Variants in PDE6C observed in about 807,000 individuals in gnomAD.
PDE6C encodes the protein phosphodiesterase 6C, also known as cone cGMP-specific 3',5'-cyclic phosphodiesterase subunit alpha'.
In PDE6C, 75 loss-of-function variants were observed where a neutral mutation model predicts 113.1. That is an observed-to-expected ratio of 0.66 (90% CI 0.55 to 0.80). PDE6C has a LOEUF of 0.80. PDE6C is among the 30% of genes least tolerant of loss of function. The pLI is 0.00. For synonymous variants in PDE6C, 375 were observed against 363.7 expected, an observed-to-expected ratio of 1.03 and a Z score of -0.35; for missense variants, 912 against 1,038.6, an observed-to-expected ratio of 0.88 and a Z score of 1.67.
At chr10:93,653,643 C>G (rs1350560791) in intron 15 of PDE6C, among the ~76,000 whole-genome samples, 1 of 136,006 alleles carries the variant, frequency 7.4e-6, no homozygotes, top group African/African-American at 3.2e-5. Flanking sequence ...GACTCCATCT[C>G]AAAAAAAAAC....
At chr10:93,647,991 T>C (rs911184671) in intron 15 of PDE6C, among the ~76,000 whole-genome samples, 1 of 152,232 alleles carries the variant, frequency 6.6e-6, no homozygotes, top group Admixed American at 6.5e-5. Flanking sequence ...GTTTATATGA[T>C]ACCACAGTGA....
At chr10:93,655,634 G>GAAAAAAAAAAAAAAAAAAAAA in intron 15 of PDE6C, 126 bp from the exon 16 acceptor site, 3 of 527,720 alleles carry the variant, frequency 5.7e-6, no homozygotes, top group East Asian at 6.5e-5. Context: ...AAAAAGGAAG[G>GAAAAAAAAAAAAAAAAAAAAA]AAAACAAAAA....
chr10:93,643,011 T>C (rs2058567232), intron 14 of PDE6C, among the ~76,000 whole-genome samples: 3 of 152,186 alleles, frequency 2.0e-5, no homozygotes, highest in South Asian at 4.1e-4. Context: ...AGTAGTATAC[T>C]AGCCAATTCA....
chr10:93,658,222 GAAAGAA>G (rs2058649619), intron 16 of PDE6C, among the ~76,000 whole-genome samples: 15 of 116,518 alleles, frequency 1.3e-4, no homozygotes, highest in Non-Finnish European at 2.8e-4. Flanking sequence ...AAGAAAGAAA[GAAAGAA>G]AAAGAAAAAT....
chr10:93,658,910 C>T lies in PDE6C; in HGVS notation c.2046C>T (p.Thr682=), dbSNP rs1451397970. ...GCTGTATCTTTTCTAGGAAGAGGAC[C>T]ATGTTTCAAAAAATTGTTGATGCCT... is the stretch of plus-strand genomic sequence containing the variant. ...TDLALYFKKR[T]MFQKIVDACE... Residue 682 remains threonine (T), a synonymous_variant, in exon 17 of 22, where the codon ACC becomes ACT. Coordinates refer to ENST00000371447, the MANE Select transcript of PDE6C (RefSeq NM_006204.4). 4.4e-6 allele frequency: 7 copies of T among 1,601,496 alleles called. No individual in the cohort carries two copies. The African/African-American group carries it at 8.0e-5, about 18-fold the overall frequency.
chr10:93,627,017 C>T lies in PDE6C; in HGVS notation c.1071+146C>T, dbSNP rs185168715. 21 of 708,742 alleles carry T rather than the reference C, an allele frequency of 3.0e-5. No individual in the cohort carries two copies. In the East Asian group the frequency reaches 5.0e-4, roughly 17 times the overall value. 43.9% of individuals were successfully genotyped at this position (708,742 alleles called of 1,614,324 possible). A position where few individuals can be genotyped will look rare whatever the true frequency, so the allele number is the denominator to read the frequency against. On this transcript the variant is annotated intron_variant, in intron 7 of 21. Transcript: ENST00000371447. ...GTGGCTCATGCCTGTAATCCCAGCA[C>T]TTTGGGAGGCTGAGGCGGGCGAATC...
At chr10:93,626,515 T>C (rs2058473659) in intron 5 of PDE6C, 125 bp from the exon 6 acceptor site, 1 of 654,680 alleles carries the variant, frequency 1.5e-6, no homozygotes, top group Non-Finnish European at 2.7e-6. Flanking sequence ...ATAATTTATG[T>C]TATAATATAA....
chr10:93,640,341 G>C (rs908817595), intron 12 of PDE6C, 109 bp from the exon 13 acceptor site: 6 of 1,244,972 alleles, frequency 4.8e-6, no homozygotes, highest in Non-Finnish European at 5.9e-6. Flanking sequence ...AAATACATCA[G>C]CTTAACCCCT....
At chr10:93,661,752 T>G (rs1426765363) in intron 18 of PDE6C, among the ~76,000 whole-genome samples, 1 of 152,208 alleles carries the variant, frequency 6.6e-6, no homozygotes, top group African/African-American at 2.4e-5. Context: ...GGCGAAGTGT[T>G]AGAACTTGAA....
In PDE6C at chr10:93,636,200, C is replaced by T. The variant is rs778346356; in HGVS notation, c.1413+560C>T. ...CAGGCATACTTCAGGTTTTTGCTCA[C>T]ATCACATTCACCAAAATGCTCATTG... On this transcript the variant is annotated intron_variant, in intron 10 of 21. Coordinates refer to ENST00000371447, the MANE Select transcript of PDE6C (RefSeq NM_006204.4). Among the ~76,000 whole-genome samples, 83 of 152,302 alleles carry T rather than the reference C, an allele frequency of 5.4e-4. No individual in the cohort carries two copies. In the Middle Eastern group the frequency reaches 0.014, roughly 25 times the overall value.
chr10:93,612,654 C>T lies in PDE6C; in HGVS notation c.-72C>T, dbSNP rs1056585778. Reference sequence around the variant, plus strand: ...AATTTCCACCAGGATGAATTTCCTTCTCATCACTCTGCCTCAGGTAGTGCT... The same window carrying T: ...AATTTCCACCAGGATGAATTTCCTTTTCATCACTCTGCCTCAGGTAGTGCT... On this transcript the variant is annotated 5_prime_UTR_variant, in exon 1 of 22. Coordinates refer to ENST00000371447, the MANE Select transcript of PDE6C (RefSeq NM_006204.4). 2.7e-5 allele frequency: 43 copies of T among 1,603,544 alleles called. No homozygotes were observed. Among genetic ancestry groups the T allele is most frequent in the Middle Eastern group, 4.4e-4 (2 of 4,516 alleles).
rs768524833 is a variant in PDE6C at position 93,634,781 on chromosome 10, T to A, written c.1143T>A (p.Gly381=). Reference sequence around the variant, plus strand: ...AGAAAGGACCTGTAGACGAAACTGGTTGGGTCATTAAGAATGTTTTGTCCC... The same window carrying A: ...AGAAAGGACCTGTAGACGAAACTGGATGGGTCATTAAGAATGTTTTGTCCC... ...TFQKGPVDET[G]WVIKNVLSLP... Residue 381 remains glycine, a synonymous_variant, in exon 9 of 22, where the codon GGT becomes GGA. Coordinates refer to ENST00000371447, the MANE Select transcript of PDE6C (RefSeq NM_006204.4). The A allele has an allele frequency of 6.2e-7, 1 of 1,613,948 alleles. No homozygotes were observed. Among genetic ancestry groups the A allele is most frequent in the African/African-American group, 1.3e-5 (1 of 74,892 alleles).
At chr10:93,628,258 T>C (rs2058483329) in intron 7 of PDE6C, among the ~76,000 whole-genome samples, 3 of 152,016 alleles carry the variant, frequency 2.0e-5, no homozygotes. Flanking sequence ...TTTTTAAGTA[T>C]GAACTTAATT....
chr10:93,642,296 A>C (rs939460015), intron 14 of PDE6C, among the ~76,000 whole-genome samples: 1 of 152,186 alleles, frequency 6.6e-6, no homozygotes, highest in Non-Finnish European at 1.5e-5. Flanking sequence ...CCCAGGAGGC[A>C]GAGGTTGAAG....
In PDE6C at chr10:93,641,027, GAAGT is replaced by G. The variant is rs1554890513; in HGVS notation, c.1847+3_1847+6del. 12 of 1,558,148 alleles carry G rather than the reference GAAGT, an allele frequency of 7.7e-6. No homozygotes were observed. The highest frequency in any genetic ancestry group is 8.9e-6 in the Non-Finnish European group (10 of 1,129,012). ...GAGGCACCAATAATTTGTACCAGAT[GAAGT>G]AAGTGAACACATGTCCAATGTTGAC... On this transcript the variant is annotated splice_donor_variant and coding_sequence_variant, in exon 14 of 22. Coordinates refer to ENST00000371447, the MANE Select transcript of PDE6C (RefSeq NM_006204.4). LOFTEE classifies it high-confidence loss of function.
intron 16 of PDE6C, among the ~76,000 whole-genome samples, chr10:93,657,005 GA>G (rs1202410280): frequency 1.3e-5 from 2 of 151,998 alleles, no homozygotes; most frequent in Non-Finnish European, 1.5e-5. Flanking sequence ...TTTATAAGGA[GA>G]AAAAAACTAG....
intron 3 of PDE6C, 48 bp downstream of exon 3, chr10:93,621,028 A>G: frequency 6.6e-7 from 1 of 1,510,246 alleles, no homozygotes; most frequent in Non-Finnish European, 9.2e-7. Context: ...TATTCTGACA[A>G]AGCCGCCCAG....
intron 20 of PDE6C, among the ~76,000 whole-genome samples, 174 bp from the exon 21 acceptor site, chr10:93,662,854 G>C (rs1361087524): frequency 6.6e-6 from 1 of 152,148 alleles, no homozygotes; most frequent in Non-Finnish European, 1.5e-5. Flanking sequence ...ACTTCCTTAG[G>C]CAGGCAGTAA....
intron 4 of PDE6C, among the ~76,000 whole-genome samples, chr10:93,624,701 A>T (rs374719521): frequency 6.6e-6 from 1 of 152,320 alleles, no homozygotes; most frequent in African/African-American, 2.4e-5. Flanking sequence ...GCTATAAGAA[A>T]CATCAGACAC....
Sources: gnomAD v4.1 joint callset for allele counts (sites outside exome capture counted in the v4.1 genomes callset) on GRCh38, gnomAD v4.1.1 for gene constraint, MANE v1.5 for transcripts, NCBI Gene and HGNC (gene_info 2026-07-23, HGNC 2026-07-21) for gene names.